Variants in PER3 observed in about 807,000 individuals in gnomAD.
PER3 encodes period circadian protein homolog 3.
A neutral mutation model predicts 127.2 loss-of-function variants in PER3; 107 were observed. The ratio of observed to expected loss-of-function variants is 0.84; its 90% CI spans 0.72 to 0.99. The LOEUF (loss-of-function observed/expected upper bound fraction) is 0.99. Ranked by LOEUF, PER3 falls within the 50% of genes least tolerant of loss-of-function variation. The pLI is 0.00. For missense variants in PER3, 1,560 were observed against 1,525.8 expected, an observed-to-expected ratio of 1.02 and a Z score of -0.37; for synonymous variants, 618 against 585.8, an observed-to-expected ratio of 1.05 and a Z score of -0.79.
At chr1:7,796,911 G>A (rs985766419) in intron 6 of PER3, among the ~76,000 whole-genome samples, 3 of 152,164 alleles carry the variant, frequency 2.0e-5, no homozygotes, top group African/African-American at 7.2e-5. Context: ...AATACCAGGA[G>A]TTTTGGGCTG....
In PER3 at chr1:7,826,408, G is replaced by A. The variant is rs1422948861; in HGVS notation, c.1958-72G>A. On this transcript the variant is annotated intron_variant, in intron 16 of 21. Coordinates refer to ENST00000377532, the MANE Select transcript of PER3 (RefSeq NM_001377275.1). This position sits in a 1 kb window ranked among gnomAD's most constrained non-coding sequence, Gnocchi z 4.2. The stretch of plus-strand genomic sequence containing the variant: ...AATGTTTGTAAAAATGTATCAAAAG[G>A]CAGTTAACAAAGTAAAATAAATACA... 1 of 814,502 alleles carries A rather than the reference G, an allele frequency of 1.2e-6. No individual in the cohort carries two copies. The highest frequency in any genetic ancestry group is 2.1e-6 in the Non-Finnish European group (1 of 484,538). The allele number at this position is 814,502 out of a possible 1,614,324, so 50.5% of individuals were successfully genotyped here. A position where few individuals can be genotyped will look rare whatever the true frequency, so the allele number is the denominator to read the frequency against.
At chr1:7,837,254 C>T (rs2097362895) in intron 21 of PER3, 105 bp downstream of exon 21, 3 of 835,058 alleles carry the variant, frequency 3.6e-6, no homozygotes, top group Non-Finnish European at 5.6e-6. Flanking sequence ...CTTTAATCCT[C>T]ACAGTTTACC....
intron 16 of PER3, among the ~76,000 whole-genome samples, chr1:7,821,485 A>C (rs140296886): frequency 1.3e-4 from 20 of 152,346 alleles, no homozygotes; most frequent in African/African-American, 4.3e-4. Context: ...ACTGGAACTG[A>C]GCTAGCCCCT....
At chr1:7,831,450 C>T (rs2097331260) in intron 19 of PER3, among the ~76,000 whole-genome samples, 2 of 152,034 alleles carry the variant, frequency 1.3e-5, no homozygotes, top group Admixed American at 1.3e-4. Flanking sequence ...ATTTGTCTTG[C>T]CTCATTGAAC....
intron 6 of PER3, 67 bp from the exon 7 acceptor site, chr1:7,798,458 C>T (rs1577690957): frequency 8.2e-7 from 1 of 1,222,446 alleles, no homozygotes; most frequent in East Asian, 2.5e-5. Context: ...ATATTTCTCC[C>T]AGCCTTGTTT....
chr1:7,842,962 A>C lies in PER3; in HGVS notation c.*207A>C, dbSNP rs942068723. ...TTGTTCCTGATATATTAAAATGGCCAGTTAGGCTCTTTTTGTAGTTGAATT... is the reference window on the plus strand; with the variant it reads ...TTGTTCCTGATATATTAAAATGGCCCGTTAGGCTCTTTTTGTAGTTGAATT... On this transcript the variant is annotated 3_prime_UTR_variant, in exon 22 of 22. Transcript: ENST00000377532. The C allele has an allele frequency of 8.7e-6, 3 of 343,226 alleles. No individual in the cohort carries two copies. Among genetic ancestry groups the C allele is most frequent in the South Asian group, 1.3e-4 (2 of 15,876 alleles). The allele number at this position is 343,226 out of a possible 1,614,324, so 21.3% of individuals were successfully genotyped here.
At position 7,820,644 on chromosome 1, in the gene PER3, C is replaced by T. The variant is rs939368571; in HGVS notation, c.1957+4C>T. The T allele has an allele frequency of 1.5e-5, 24 of 1,595,698 alleles. No homozygotes were observed. The highest frequency in any genetic ancestry group is 2.7e-5 in the African/African-American group (2 of 74,260). On this transcript the variant is annotated splice_donor_region_variant and intron_variant, in intron 16 of 21. Transcript: ENST00000377532. ...CATGTCCCACCCCCAGAGACAGGTACCACACTCGCCTCTTACTTTGAAAAT... is the reference window on the plus strand; with the variant it reads ...CATGTCCCACCCCCAGAGACAGGTATCACACTCGCCTCTTACTTTGAAAAT...
chr1:7,785,040 G>GT (rs1352940614), intron 2 of PER3, 35 bp downstream of exon 2: 1 of 1,557,946 alleles, frequency 6.4e-7, no homozygotes, highest in Admixed American at 2.2e-5. Flanking sequence ...GGCCCCATGC[G>GT]TTCGTTGTCC....
chr1:7,819,318 C>T lies in PER3; in HGVS notation c.1556C>T (p.Thr519Ile). 6.2e-7 allele frequency: 1 copy of T among 1,613,682 alleles called. No homozygotes were observed. Among genetic ancestry groups the T allele is most frequent in the Non-Finnish European group, 8.5e-7 (1 of 1,179,584 alleles). ...AAGACCTTTACTTCCTTCCACCAAA[C>T]ACTGAAAAACAATAGTGTGTACACT... is the stretch of plus-strand genomic sequence containing the variant. ...ECKTFTSFHQ[T>I]LKNNSVYTEP... The change falls in exon 14 of 22, where the codon ACA becomes ATA. Residue 519 changes from threonine (T) to isoleucine (I), a missense_variant. Transcript: ENST00000377532.
At chr1:7,805,050 A>G (rs1261534243) in intron 10 of PER3, among the ~76,000 whole-genome samples, 1 of 151,504 alleles carries the variant, frequency 6.6e-6, no homozygotes, top group Non-Finnish European at 1.5e-5. Context: ...TGTATTTTTA[A>G]TAGAGACAGG....
chr1:7,814,287 C>T (rs1045742032), intron 13 of PER3, among the ~76,000 whole-genome samples: 11 of 152,146 alleles, frequency 7.2e-5, no homozygotes, highest in African/African-American at 2.4e-4. Flanking sequence ...AAAAACAAAA[C>T]AAAACACTTG....
At chr1:7,799,979 T>C (rs2097163271) in intron 7 of PER3, among the ~76,000 whole-genome samples, 1 of 152,136 alleles carries the variant, frequency 6.6e-6, no homozygotes. Context: ...GGTCACACTA[T>C]GTTGCCCAGG....
At chr1:7,800,841 A>AG (rs35128310) in intron 7 of PER3, among the ~76,000 whole-genome samples, 75,305 of 148,700 alleles carry the variant, frequency 0.51, 20,301 homozygotes, top group Middle Eastern at 0.67. Context: ...AAAAAAAAAA[A>AG]AGAGAGAAAA....
intron 5 of PER3, among the ~76,000 whole-genome samples, chr1:7,793,591 T>G (rs1246910376): frequency 6.6e-6 from 1 of 152,196 alleles, no homozygotes. Context: ...TTTAGAAAGG[T>G]CCAGACTATT....
intron 13 of PER3, among the ~76,000 whole-genome samples, chr1:7,812,267 A>AT (rs5772291): frequency 0.39 from 57,952 of 150,406 alleles, 12,210 homozygotes; most frequent in African/African-American, 0.55. Context: ...CATCGGTACT[A>AT]TTTTTTTTTG....
At position 7,835,948 on chromosome 1, in the gene PER3, A is replaced by G. The variant is rs2097356184; in HGVS notation, c.3398+3A>G. 1.3e-6 allele frequency: 2 copies of G among 1,555,714 alleles called. No individual in the cohort carries two copies. Among genetic ancestry groups the G allele is most frequent in the Non-Finnish European group, 1.7e-6 (2 of 1,145,938 alleles). On this transcript the variant is annotated splice_donor_region_variant and intron_variant, in intron 20 of 21. Coordinates refer to ENST00000377532, the MANE Select transcript of PER3 (RefSeq NM_001377275.1). ...ATGACATACCAGGTACCTGAGAGGT[A>G]AGAAAGCACTTTAGAAAACCCACTT...
At chr1:7,806,812 A>AAAAAT (rs61141023) in intron 10 of PER3, among the ~76,000 whole-genome samples, 13 of 60,626 alleles carry the variant, frequency 2.1e-4, no homozygotes, top group African/African-American at 6.1e-4. Context: ...AAAAAAAAAA[A>AAAAAT]ATATATATAT....
At chr1:7,796,382 G>A (rs1199282838) in intron 6 of PER3, among the ~76,000 whole-genome samples, 4 of 138,368 alleles carry the variant, frequency 2.9e-5, no homozygotes, top group Admixed American at 2.4e-4. Context: ...GCAGTGGCAC[G>A]ATCTCGGCTC....
rs376840837 is a variant in PER3 at position 7,785,608 on chromosome 1, T to G, written c.274+22T>G. The G allele has an allele frequency of 4.4e-6, 7 of 1,604,504 alleles. No homozygotes were observed. The African/African-American group carries it at 6.7e-5, about 15-fold the overall frequency. On this transcript the variant is annotated intron_variant, in intron 3 of 21. Coordinates refer to ENST00000377532, the MANE Select transcript of PER3 (RefSeq NM_001377275.1). Reference sequence around the variant, plus strand: ...CAAGGTAAACAAGCCGGAGAGAAATTTCATCCTACGAATGCACCAGGACTC... The same window carrying G: ...CAAGGTAAACAAGCCGGAGAGAAATGTCATCCTACGAATGCACCAGGACTC...
Sources: allele counts gnomAD v4.1 joint callset (sites outside exome capture counted in the v4.1 genomes callset), GRCh38; gene constraint gnomAD v4.1.1; non-coding constraint Gnocchi (gnomAD v3.1); transcripts MANE v1.5; gene names NCBI Gene and HGNC (gene_info 2026-07-23, HGNC 2026-07-21).